PTK7: variants seen among roughly 807,000 people sequenced by gnomAD.
PTK7 encodes protein tyrosine kinase 7 (inactive), also known as inactive tyrosine-protein kinase 7.
A neutral mutation model predicts 116.6 loss-of-function variants in PTK7; 39 were observed. The ratio of observed to expected loss-of-function variants is 0.33; its 90% CI spans 0.26 to 0.44. The LOEUF (loss-of-function observed/expected upper bound fraction) is 0.44, where lower values mean the gene tolerates loss of function less well. PTK7 is among the 20% of genes least tolerant of loss of function. PTK7 has a pLI of 1.00. For missense variants in PTK7, 1,169 were observed against 1,425.6 expected, an observed-to-expected ratio of 0.82 and a Z score of 2.90; for synonymous variants, 546 against 563.6, an observed-to-expected ratio of 0.97 and a Z score of 0.44.
intron 1 of PTK7, among the ~76,000 whole-genome samples, chr6:43,110,168 T>C (rs376347337): frequency 6.6e-6 from 1 of 151,916 alleles, no homozygotes; most frequent in East Asian, 1.9e-4. Context: ...AGCTAATTTT[T>C]TGTATGTTTA....
chr6:43,132,338 G>T, intron 6 of PTK7, 83 bp from the exon 7 acceptor site: 1 of 1,511,392 alleles, frequency 6.6e-7, no homozygotes, highest in Admixed American at 2.1e-5. Flanking sequence ...TGCTGGGAAA[G>T]GGCCTAGGCT....
Position 43,146,718 on chromosome 6 carries a change from G to C in PTK7, c.2721+20G>C, listed in dbSNP as rs1340549136. On this transcript the variant is annotated intron_variant, in intron 17 of 19. Transcript: ENST00000230419. ...CAGAAGGTGAGGACAGGGAGTGAAG[G>C]AGGGAGGGAGAGGGTGCCCAGGGGT... 6.2e-7 allele frequency: 1 copy of C among 1,605,230 alleles called. No individual in the cohort carries two copies. The highest frequency in any genetic ancestry group is 1.1e-5 in the South Asian group (1 of 90,922).
intron 1 of PTK7, among the ~76,000 whole-genome samples, chr6:43,095,767 G>A (rs1010222769): frequency 6.6e-6 from 1 of 152,178 alleles, no homozygotes; most frequent in Non-Finnish European, 1.5e-5. Context: ...TTTTCTAAAA[G>A]ATGGATGTAC....
intron 1 of PTK7, among the ~76,000 whole-genome samples, chr6:43,096,663 C>G (rs1400627054): frequency 6.6e-6 from 1 of 152,194 alleles, no homozygotes; most frequent in African/African-American, 2.4e-5. Context: ...TCTGCACTTC[C>G]TGCCTTTTGC....
At chr6:43,147,557 T>G (rs1439763383) in intron 17 of PTK7, among the ~76,000 whole-genome samples, 1 of 152,212 alleles carries the variant, frequency 6.6e-6, no homozygotes, top group Non-Finnish European at 1.5e-5. Context: ...GGCAGAAGGC[T>G]CTGCCCTTTC....
At position 43,141,789 on chromosome 6, in the gene PTK7, T is replaced by C; in HGVS notation, c.1740T>C (p.Ile580=). ...CCTCCAACGGGCCGCAGGGCCAGAT[T>C]CGTGCCCATGTCCAGCTCACTGTGG... ...CIASNGPQGQ[I]RAHVQLTVAV... is the part of the protein sequence containing the mutation. Residue 580 remains isoleucine, a synonymous_variant, in exon 11 of 20, where the codon ATT becomes ATC. Transcript: ENST00000230419. The surrounding 1 kb of genome is among the most constrained non-coding windows in gnomAD (Gnocchi z 4.9). 6.2e-7 allele frequency: 1 copy of C among 1,614,082 alleles called. No individual in the cohort carries two copies.
rs183695158 is a variant in PTK7 at position 43,110,106 on chromosome 6, C to T, written c.80-18871C>T. Among the ~76,000 whole-genome samples, 403 of 150,136 alleles carry T rather than the reference C, an allele frequency of 2.7e-3. 1 individual carries two copies. Among genetic ancestry groups the T allele is most frequent in the Non-Finnish European group, 4.9e-3 (329 of 67,776 alleles). Reference sequence around the variant, plus strand: ...CCGTCTCCTAGGTTCCAGTGATTCTCCTGCCTCAGTCTCCTGAGTAGCTGG... The same window carrying T: ...CCGTCTCCTAGGTTCCAGTGATTCTTCTGCCTCAGTCTCCTGAGTAGCTGG... On this transcript the variant is annotated intron_variant, in intron 1 of 19. Transcript: ENST00000230419.
intron 1 of PTK7, among the ~76,000 whole-genome samples, chr6:43,093,346 C>T (rs189303086): frequency 3.3e-5 from 5 of 152,000 alleles, no homozygotes; most frequent in Non-Finnish European, 5.9e-5. Context: ...CCCACGACCA[C>T]GCCCGGCTAA....
At position 43,141,915 on chromosome 6, in the gene PTK7, G is replaced by A. The variant is rs773652873; in HGVS notation, c.1769-16G>A. On this transcript the variant is annotated splice_polypyrimidine_tract_variant and intron_variant, in intron 11 of 19. Coordinates refer to ENST00000230419, the MANE Select transcript of PTK7 (RefSeq NM_002821.5). The surrounding 1 kb of genome is among the most constrained non-coding windows in gnomAD (Gnocchi z 4.9). The stretch of plus-strand genomic sequence containing the variant: ...GCTTACCCCTCCCTGCGCCTCGCTG[G>A]TCTCTTTTCTTCCAGTTTTTATCAC... 5.0e-6 allele frequency: 8 copies of A among 1,597,672 alleles called. No homozygotes were observed. The highest frequency in any genetic ancestry group is 5.1e-6 in the Non-Finnish European group (6 of 1,169,940).
At chr6:43,115,993 T>C (rs1768493907) in intron 1 of PTK7, among the ~76,000 whole-genome samples, 1 of 147,918 alleles carries the variant, frequency 6.8e-6, no homozygotes, top group Non-Finnish European at 1.5e-5. Flanking sequence ...CCCTCTCCCA[T>C]GGGCCTGGGT....
intron 7 of PTK7, among the ~76,000 whole-genome samples, chr6:43,134,508 G>A (rs1019402873): frequency 3.9e-5 from 6 of 152,078 alleles, no homozygotes; most frequent in African/African-American, 7.2e-5. Flanking sequence ...TTAGCTGGGC[G>A]CGGTGGCTCA....
intron 1 of PTK7, among the ~76,000 whole-genome samples, chr6:43,082,691 A>C (rs1766446130): frequency 6.6e-6 from 1 of 152,260 alleles, no homozygotes. Context: ...GTACGCTTTA[A>C]TATTACCTCC....
At chr6:43,091,103 T>C (rs1766927944) in intron 1 of PTK7, among the ~76,000 whole-genome samples, 1 of 152,036 alleles carries the variant, frequency 6.6e-6, no homozygotes, top group African/African-American at 2.4e-5. Flanking sequence ...CTCCACAGCT[T>C]ACTGGCTGAG....
At chr6:43,144,638 T>C in intron 15 of PTK7, 32 bp downstream of exon 15, 1 of 1,583,464 alleles carries the variant, frequency 6.3e-7, no homozygotes, top group Middle Eastern at 1.7e-4. Flanking sequence ...TGCCCCTGCC[T>C]AACTACAAGT....
chr6:43,144,287 A>C, intron 14 of PTK7, 164 bp from the exon 15 acceptor site: 5 of 738,854 alleles, frequency 6.8e-6, no homozygotes, highest in East Asian at 2.7e-5. Flanking sequence ...TCCCCCACCC[A>C]GCCCCAGCCC....
chr6:43,127,879 A>G (rs574541840), intron 1 of PTK7, among the ~76,000 whole-genome samples: 67 of 152,104 alleles, frequency 4.4e-4, no homozygotes, highest in Non-Finnish European at 7.2e-4. Flanking sequence ...CAGTGAGCCA[A>G]GATCGCGCTA....
chr6:43,142,503 G>T, intron 13 of PTK7: 1 of 415,388 alleles, frequency 2.4e-6, no homozygotes, highest in East Asian at 5.7e-5. Context: ...CCAACGGTCG[G>T]TGTGTGTGTG....
chr6:43,138,988 AAAG>A lies in PTK7; in HGVS notation c.1362+11_1362+13del, dbSNP rs1770217804. The A allele has an allele frequency of 6.2e-7, 1 of 1,613,166 alleles. No individual in the cohort carries two copies. The highest frequency in any genetic ancestry group is 8.5e-7 in the Non-Finnish European group (1 of 1,179,392). On this transcript the variant is annotated splice_region_variant and intron_variant, in intron 8 of 19. Coordinates refer to ENST00000230419, the MANE Select transcript of PTK7 (RefSeq NM_002821.5). ...ACCAGATGCTCATCTCAGAGGTGAG[AAAG>A]AAGAGTGTTGCTAGTGGATGGGCGG...
chr6:43,152,533 G>T (rs1025685356), intron 17 of PTK7, among the ~76,000 whole-genome samples: 39 of 152,172 alleles, frequency 2.6e-4, no homozygotes, highest in African/African-American at 9.2e-4. Context: ...TCTGGATGAG[G>T]TTTTTCCCAA....
Sources: allele counts gnomAD v4.1 joint callset (sites outside exome capture counted in the v4.1 genomes callset), GRCh38; gene constraint gnomAD v4.1.1; non-coding constraint Gnocchi (gnomAD v3.1); transcripts MANE v1.5; gene names NCBI Gene and HGNC (gene_info 2026-07-23, HGNC 2026-07-21).